Variants in TBC1D30 observed in about 807,000 individuals in gnomAD.
TBC1D30 encodes TBC1 domain family member 30.
In TBC1D30, 31 loss-of-function variants were observed where a neutral mutation model predicts 63.2. The ratio of observed to expected loss-of-function variants is 0.49; its 90% CI spans 0.37 to 0.66. The LOEUF (loss-of-function observed/expected upper bound fraction) is 0.66, where lower values mean the gene tolerates loss of function less well. TBC1D30 is among the 30% of genes least tolerant of loss of function. The probability of loss-of-function intolerance (pLI) is 0.00; values close to 1 mark genes in which losing one functional copy is unlikely to be tolerated. For synonymous variants in TBC1D30, 307 were observed against 361.5 expected, an observed-to-expected ratio of 0.85 and a Z score of 1.71; for missense variants, 810 against 953.6, an observed-to-expected ratio of 0.85 and a Z score of 1.98.
intron 2 of TBC1D30, among the ~76,000 whole-genome samples, chr12:64,798,152 C>G (rs1872388889): frequency 6.6e-6 from 1 of 152,162 alleles, no homozygotes; most frequent in African/African-American, 2.4e-5. Flanking sequence ...TTCAAAAGTT[C>G]TGTGTTGAGT....
At chr12:64,797,028 C>CAAAA (rs552416081) in intron 2 of TBC1D30, among the ~76,000 whole-genome samples, 7 of 75,126 alleles carry the variant, frequency 9.3e-5, no homozygotes, top group African/African-American at 1.6e-4. Context: ...TTCTCCTCTG[C>CAAAA]AAAAAAAAAA....
chr12:64,813,616 G>C (rs1368157622), intron 2 of TBC1D30, among the ~76,000 whole-genome samples: 2 of 152,144 alleles, frequency 1.3e-5, no homozygotes, highest in African/African-American at 4.8e-5. Flanking sequence ...CTGATGAGTA[G>C]AGCAAACATG....
chr12:64,809,052 A>G (rs1873048853), intron 2 of TBC1D30, among the ~76,000 whole-genome samples: 1 of 152,210 alleles, frequency 6.6e-6, no homozygotes, highest in South Asian at 2.1e-4. Flanking sequence ...TCTTTGTGCT[A>G]TCCATTCAAT....
intron 1 of TBC1D30, chr12:64,781,293 G>T: frequency 8.9e-7 from 1 of 1,118,900 alleles, no homozygotes; most frequent in Middle Eastern, 4.2e-4. Flanking sequence ...AAAGGTGAGG[G>T]CCGGGCGCAG....
chr12:64,839,959 C>T (rs1026036208), intron 7 of TBC1D30, among the ~76,000 whole-genome samples: 2 of 136,968 alleles, frequency 1.5e-5, no homozygotes, highest in African/African-American at 2.9e-5. Flanking sequence ...GAGCCGAGAT[C>T]GTGCCACTGC....
chr12:64,871,159 G>A (rs184607876), intron 11 of TBC1D30, among the ~76,000 whole-genome samples: 2 of 150,880 alleles, frequency 1.3e-5, no homozygotes, highest in Admixed American at 6.5e-5. Flanking sequence ...TTATGCATCT[G>A]AATATAGAAT....
intron 10 of TBC1D30, among the ~76,000 whole-genome samples, chr12:64,868,887 A>T (rs1878432779): frequency 6.6e-6 from 1 of 152,042 alleles, no homozygotes; most frequent in Admixed American, 6.6e-5. Flanking sequence ...GGACCTCCTA[A>T]TATTCTATTA....
At chr12:64,825,247 C>A in intron 1 of TBC1D30, 1 of 525,850 alleles carries the variant, frequency 1.9e-6, no homozygotes, top group Non-Finnish European at 3.1e-6. Context: ...CCACCCCAGG[C>A]GCGGAGAACC....
intron 8 of TBC1D30, among the ~76,000 whole-genome samples, chr12:64,864,317 C>G (rs1295518558): frequency 6.6e-6 from 1 of 152,150 alleles, no homozygotes; most frequent in Non-Finnish European, 1.5e-5. Flanking sequence ...ATAGGAAGGA[C>G]ATTTGTGAGT....
chr12:64,836,384 T>G (rs747532489), intron 5 of TBC1D30, 106 bp from the exon 6 acceptor site: 15 of 877,484 alleles, frequency 1.7e-5, no homozygotes, highest in Non-Finnish European at 2.4e-5. Flanking sequence ...GATAGCGTGC[T>G]TTGGCTAACA....
At chr12:64,845,910 G>A (rs1876336599) in intron 8 of TBC1D30, among the ~76,000 whole-genome samples, 1 of 152,068 alleles carries the variant, frequency 6.6e-6, no homozygotes, top group African/African-American at 2.4e-5. Context: ...TCCTCCCGCC[G>A]AGCTTGGCCT....
chr12:64,794,775 G>C (rs1304010091), intron 2 of TBC1D30, among the ~76,000 whole-genome samples: 1 of 151,926 alleles, frequency 6.6e-6, no homozygotes, highest in East Asian at 1.9e-4. Flanking sequence ...CCAACTCCTT[G>C]TTCTTTTGAT....
At chr12:64,864,900 C>G (rs1000675126) in intron 9 of TBC1D30, 120 bp downstream of exon 9, 1 of 669,700 alleles carries the variant, frequency 1.5e-6, no homozygotes, top group African/African-American at 1.8e-5. Context: ...CACTTAGAAT[C>G]TAATGTCCCT....
intron 2 of TBC1D30, among the ~76,000 whole-genome samples, chr12:64,786,735 G>A (rs1331355725): frequency 6.6e-6 from 1 of 152,044 alleles, no homozygotes; most frequent in African/African-American, 2.4e-5. Context: ...TGGATCACCT[G>A]AGGTCAGGTG....
At chr12:64,851,343 C>T (rs1309875813) in intron 8 of TBC1D30, among the ~76,000 whole-genome samples, 3 of 151,938 alleles carry the variant, frequency 2.0e-5, no homozygotes, top group Admixed American at 6.6e-5. Flanking sequence ...AGAGACACAA[C>T]AAAAAAAGAA....
rs575266274 is a variant in TBC1D30, at chr12:64,812,525, G to A, written c.644-15310G>A. Among the ~76,000 whole-genome samples, 14 of 152,264 alleles carry A rather than the reference G, an allele frequency of 9.2e-5. No homozygotes were observed. In the South Asian group the frequency reaches 2.5e-3, roughly 27 times the overall value. ...CAACTGGAAGAATTGGTGTTAATAC[G>A]TGTAGGAATGTAGAATACATTGTAA... On this transcript the variant is annotated intron_variant, in intron 2 of 12. Coordinates refer to the TBC1D30 transcript ENST00000542120.
At chr12:64,782,357 C>A (rs1376959683) in intron 1 of TBC1D30, among the ~76,000 whole-genome samples, 1 of 150,608 alleles carries the variant, frequency 6.6e-6, no homozygotes, top group Non-Finnish European at 1.5e-5. Flanking sequence ...ACGTAAACAG[C>A]TTTTAGCTTC....
At chr12:64,858,269 T>C (rs1036936667) in intron 8 of TBC1D30, among the ~76,000 whole-genome samples, 2 of 152,212 alleles carry the variant, frequency 1.3e-5, no homozygotes, top group Non-Finnish European at 2.9e-5. Flanking sequence ...CTGCCTTTTC[T>C]TTTTCAATAA....
At chr12:64,850,266 C>A (rs141818911) in intron 8 of TBC1D30, among the ~76,000 whole-genome samples, 3 of 152,122 alleles carry the variant, frequency 2.0e-5, no homozygotes, top group Non-Finnish European at 4.4e-5. Context: ...CTGTTTATTT[C>A]TTTTTCTTGC....
Sources: gnomAD v4.1 joint callset for allele counts (sites outside exome capture counted in the v4.1 genomes callset) on GRCh38, gnomAD v4.1.1 for gene constraint, MANE v1.5 for transcripts, NCBI Gene and HGNC (gene_info 2026-07-23, HGNC 2026-07-21) for gene names.